Variants in FANCC observed in about 807,000 individuals in gnomAD.
The protein encoded by FANCC is FA complementation group C.
In FANCC, 55 loss-of-function variants were observed where a neutral mutation model predicts 71.3. The ratio of observed to expected loss-of-function variants is 0.77; its 90% confidence interval spans 0.62 to 0.97. FANCC has a LOEUF of 0.97. Among genes scored for constraint, FANCC ranks in the 50% least tolerant of loss-of-function variants. The probability of loss-of-function intolerance (pLI) is 0.00; values close to 1 mark genes in which losing one functional copy is unlikely to be tolerated. For missense variants in FANCC, 678 were observed against 670.9 expected (o/e 1.01, Z -0.12); for synonymous variants, 275 against 244.9 (o/e 1.12, Z -1.15).
At chr9:95,171,189 A>G in intron 5 of FANCC, 46 bp from the exon 6 acceptor site, 2 of 1,402,136 alleles carry the variant, frequency 1.4e-6, no homozygotes, top group Non-Finnish European at 2.0e-6. Context: ...TGCAAACAGG[A>G]TTACATCAGT....
At chr9:95,216,506 C>A (rs1167310360) in intron 4 of FANCC, among the ~76,000 whole-genome samples, 1 of 152,220 alleles carries the variant, frequency 6.6e-6, no homozygotes, top group Non-Finnish European at 1.5e-5. Context: ...TGCTGCATTT[C>A]TGCTTTTGCT....
chr9:95,216,935 C>A (rs1188104992), intron 4 of FANCC, among the ~76,000 whole-genome samples: 1 of 152,176 alleles, frequency 6.6e-6, no homozygotes, highest in Non-Finnish European at 1.5e-5. Flanking sequence ...AAAAAAAAAT[C>A]TCAGACCGGC....
At chr9:95,115,427 T>G (rs2072320408) in intron 11 of FANCC, among the ~76,000 whole-genome samples, 1 of 152,196 alleles carries the variant, frequency 6.6e-6, no homozygotes, top group African/African-American at 2.4e-5. Context: ...AATAAGGAAT[T>G]AGGAATAGAC....
intron 1 of FANCC, among the ~76,000 whole-genome samples, chr9:95,249,946 C>A (rs889013517): frequency 6.6e-6 from 1 of 152,086 alleles, no homozygotes; most frequent in Non-Finnish European, 1.5e-5. Context: ...CTAAAGATTG[C>A]TTTATATGCT....
chr9:95,220,209 CAGGAA>C (rs987222561), intron 4 of FANCC, among the ~76,000 whole-genome samples: 2 of 152,138 alleles, frequency 1.3e-5, no homozygotes, highest in Non-Finnish European at 2.9e-5. Flanking sequence ...ATTAAAAAGT[CAGGAA>C]ACAACAGGTG....
chr9:95,178,455 G>C (rs1826145831), intron 4 of FANCC, among the ~76,000 whole-genome samples: 1 of 152,230 alleles, frequency 6.6e-6, no homozygotes, highest in Non-Finnish European at 1.5e-5. Flanking sequence ...CACTCCTTAG[G>C]AGGCTTGGCC....
chr9:95,293,752 C>A, intron 1 of FANCC: 4 of 1,613,876 alleles, frequency 2.5e-6, no homozygotes, highest in South Asian at 1.1e-5. Context: ...GTAACTTCAT[C>A]TATAGCTGCT....
chr9:95,250,663 C>T (rs1831273246), intron 1 of FANCC, among the ~76,000 whole-genome samples: 1 of 152,190 alleles, frequency 6.6e-6, no homozygotes, highest in South Asian at 2.1e-4. Context: ...TCATTGTCTT[C>T]CTCATCCAAG....
chr9:95,293,944 A>C, intron 1 of FANCC: 1 of 1,588,050 alleles, frequency 6.3e-7, no homozygotes, highest in South Asian at 1.1e-5. Flanking sequence ...TATAAGCAAC[A>C]GTTTAGTAGC....
chr9:95,253,051 C>T (rs888793926), intron 1 of FANCC, among the ~76,000 whole-genome samples: 1 of 152,018 alleles, frequency 6.6e-6, no homozygotes, highest in South Asian at 2.1e-4. Context: ...TGTGAGACAG[C>T]CAGACTGTCT....
At chr9:95,312,076 T>C (rs1339308524) in intron 1 of FANCC, among the ~76,000 whole-genome samples, 4 of 152,220 alleles carry the variant, frequency 2.6e-5, no homozygotes, top group Non-Finnish European at 4.4e-5. Context: ...CTTTCCATGA[T>C]AATCTATACT....
intron 4 of FANCC, among the ~76,000 whole-genome samples, chr9:95,200,646 G>A (rs1049807117): frequency 6.6e-6 from 1 of 152,154 alleles, no homozygotes; most frequent in African/African-American, 2.4e-5. Context: ...TATCTGCCCT[G>A]GGGTATCATG....
intron 4 of FANCC, chr9:95,186,400 C>CAT (rs1826711239): frequency 6.6e-6 from 1 of 152,268 alleles, no homozygotes; most frequent in African/African-American, 2.4e-5. Context: ...GACAACCACA[C>CAT]GTCCCCAGAC....
chr9:95,175,432 G>A (rs113984773), intron 4 of FANCC, among the ~76,000 whole-genome samples: 3,208 of 152,308 alleles, frequency 0.021, 45 homozygotes, highest in Non-Finnish European at 0.033. Context: ...AAGGTAGAGA[G>A]AAGGATGGGG....
At chr9:95,202,522 G>C (rs993169053) in intron 4 of FANCC, among the ~76,000 whole-genome samples, 1 of 152,240 alleles carries the variant, frequency 6.6e-6, no homozygotes, top group Non-Finnish European at 1.5e-5. Flanking sequence ...CCACCAGTGA[G>C]TCAACCTTGC....
At chr9:95,191,816 A>G (rs1348888282) in intron 4 of FANCC, among the ~76,000 whole-genome samples, 1 of 151,982 alleles carries the variant, frequency 6.6e-6, no homozygotes, top group African/African-American at 2.4e-5. Flanking sequence ...TTACAGCTCA[A>G]CTACACTCTG....
chr9:95,260,903 C>T (rs1832001476), intron 1 of FANCC, among the ~76,000 whole-genome samples: 1 of 152,076 alleles, frequency 6.6e-6, no homozygotes, highest in South Asian at 2.1e-4. Context: ...TAAAACCACC[C>T]ACCAGGATGG....
chr9:95,124,932 T>C (rs1314720124), intron 10 of FANCC, among the ~76,000 whole-genome samples, 154 bp downstream of exon 10: 2 of 152,238 alleles, frequency 1.3e-5, no homozygotes, highest in Non-Finnish European at 2.9e-5. Flanking sequence ...TAAGTTAAAA[T>C]GGCTTAACCT....
At chr9:95,226,282 A>T (rs928877752) in intron 4 of FANCC, among the ~76,000 whole-genome samples, 3 of 152,218 alleles carry the variant, frequency 2.0e-5, no homozygotes, top group Admixed American at 1.3e-4. Context: ...GTATAAAAAA[A>T]TTTTCCACAA....
Sources: allele counts gnomAD v4.1 joint callset (sites outside exome capture counted in the v4.1 genomes callset), GRCh38; gene constraint gnomAD v4.1.1; transcripts MANE v1.5; gene names NCBI Gene and HGNC (gene_info 2026-07-23, HGNC 2026-07-21).